The following CNOT4 variants were observed in gnomAD, a reference collection of about 807,000 sequenced individuals.
CNOT4 encodes the protein CCR4-associated factor 4.
In CNOT4, 8 loss-of-function variants were observed where a neutral mutation model predicts 73.8. The observed-to-expected ratio is 0.11, with a 90% CI of 0.06 to 0.20. CNOT4 has a LOEUF of 0.20. CNOT4 is among the 10% of genes least tolerant of loss of function. The pLI, the probability that CNOT4 is intolerant of heterozygous loss-of-function variation, is 1.00. For missense variants in CNOT4, 564 were observed against 883.4 expected, an observed-to-expected ratio of 0.64 and a Z score of 4.58; for synonymous variants, 293 against 321.1, an observed-to-expected ratio of 0.91 and a Z score of 0.94.
chr7:135,455,302 A>C (rs1172682495), intron 1 of CNOT4, among the ~76,000 whole-genome samples: 2 of 152,014 alleles, frequency 1.3e-5, no homozygotes, highest in African/African-American at 4.8e-5. Context: ...ATGTGGCGAA[A>C]AAAAAAGCTT....
At chr7:135,388,916 T>A in intron 10 of CNOT4, 1 of 1,611,222 alleles carries the variant, frequency 6.2e-7, no homozygotes, top group South Asian at 1.1e-5. Context: ...TCAGTCATGG[T>A]CTAGTTATGG....
chr7:135,479,753 C>T (rs114633900), intron 1 of CNOT4, among the ~76,000 whole-genome samples: 3,032 of 151,602 alleles, frequency 0.02, 107 homozygotes, highest in African/African-American at 0.07. Context: ...AAAAATTAGT[C>T]GGGCGTGGTA....
chr7:135,366,963 T>C (rs1191336761), intron 10 of CNOT4, among the ~76,000 whole-genome samples: 2 of 152,124 alleles, frequency 1.3e-5, no homozygotes, highest in African/African-American at 2.4e-5. Flanking sequence ...GGCAATTCCA[T>C]TCTTTGAAAC....
chr7:135,374,613 G>A (rs1795415322), intron 10 of CNOT4, among the ~76,000 whole-genome samples: 1 of 141,926 alleles, frequency 7.0e-6, no homozygotes, highest in Admixed American at 7.4e-5. Context: ...CAGAATAGTG[G>A]AAACTACAAC....
At chr7:135,414,475 T>C (rs1309471446) in intron 4 of CNOT4, 43 bp from the exon 5 acceptor site, 1 of 847,838 alleles carries the variant, frequency 1.2e-6, no homozygotes, top group Admixed American at 2.0e-5. Flanking sequence ...AGTTAAAAAT[T>C]AAACAATACT....
intron 10 of CNOT4, among the ~76,000 whole-genome samples, chr7:135,365,259 G>A (rs767484017): frequency 8.5e-5 from 13 of 152,118 alleles, no homozygotes; most frequent in African/African-American, 1.7e-4. Context: ...TAAACTGAAC[G>A]AAGGTCATCT....
intron 10 of CNOT4, among the ~76,000 whole-genome samples, chr7:135,392,978 G>T (rs1796479342): frequency 6.6e-6 from 1 of 152,114 alleles, no homozygotes; most frequent in African/African-American, 2.4e-5. Flanking sequence ...ACAATAAATT[G>T]TATGAATTAT....
At chr7:135,440,970 T>C (rs1441927450) in intron 1 of CNOT4, among the ~76,000 whole-genome samples, 1 of 151,730 alleles carries the variant, frequency 6.6e-6, no homozygotes, top group African/African-American at 2.4e-5. Context: ...TGTCCATTAA[T>C]AGGACAATCA....
At chr7:135,480,406 G>A (rs1260769515) in intron 1 of CNOT4, among the ~76,000 whole-genome samples, 4 of 152,054 alleles carry the variant, frequency 2.6e-5, no homozygotes, top group Non-Finnish European at 5.9e-5. Context: ...TACTAATATA[G>A]GAAATAAAGG....
intron 1 of CNOT4, among the ~76,000 whole-genome samples, chr7:135,450,444 GAGTA>G (rs1283069215): frequency 6.6e-6 from 1 of 152,016 alleles, no homozygotes; most frequent in African/African-American, 2.4e-5. Flanking sequence ...TCAGCCTCCT[GAGTA>G]GCTGATATTC....
Position 135,451,064 on chromosome 7 carries a change from C to A in CNOT4, c.-92-12641G>T, listed in dbSNP as rs1800129423. ...CCTCTATGATCTACTAACCCCACCT[C>A]TGCATAACAGCCTTAGAGAAACAGT... is the stretch of plus-strand genomic sequence containing the variant. On this transcript the variant is annotated intron_variant, in intron 1 of 11. Coordinates refer to ENST00000541284, the MANE Select transcript of CNOT4 (RefSeq NM_001190850.2). 2.0e-5 allele frequency among the ~76,000 whole-genome samples: 3 copies of A among 152,174 alleles called. No individual in the cohort carries two copies. In the South Asian group the frequency reaches 6.2e-4, roughly 32 times the overall value.
chr7:135,423,944 T>A (rs1798334751), intron 2 of CNOT4, among the ~76,000 whole-genome samples: 1 of 151,882 alleles, frequency 6.6e-6, no homozygotes, highest in South Asian at 2.1e-4. Context: ...AGAAGCTCAA[T>A]AAATATTTGC....
rs1436651583 is a variant in CNOT4 at position 135,428,393 on chromosome 7, G to T, written c.175-6040C>A. ...ACAATAAGCAGAAATATAGCCCACA[G>T]ACTTCAGCCACTGGAATTACTGGAC... On this transcript the variant is annotated intron_variant, in intron 2 of 11. Transcript: ENST00000541284. Among the ~76,000 whole-genome samples the T allele has an allele frequency of 3.3e-5, 5 of 152,200 alleles. No individual in the cohort carries two copies. In the East Asian group the frequency reaches 7.7e-4, roughly 24 times the overall value.
At chr7:135,506,399 A>C (rs1230904769) in intron 1 of CNOT4, among the ~76,000 whole-genome samples, 1 of 152,220 alleles carries the variant, frequency 6.6e-6, no homozygotes, top group South Asian at 2.1e-4. Context: ...AAGAGTCAAG[A>C]CAGTATTATA....
In CNOT4 at chr7:135,394,222, T is replaced by G. The variant is rs1796557801; in HGVS notation, c.1323A>C (p.Ser441=). The G allele has an allele frequency of 6.2e-7, 1 of 1,614,012 alleles. No homozygotes were observed. The highest frequency in any genetic ancestry group is 8.5e-7 in the Non-Finnish European group (1 of 1,180,028). The part of the protein sequence containing the change: ...LSPTSLQNSS[S]HTTTAKGPGS... Reference sequence around the variant, plus strand: ...CTGGACCTTTGGCGGTTGTAGTGTGTGAAGAGGAGTTCTGAAGAGATGTGG... The same window carrying G: ...CTGGACCTTTGGCGGTTGTAGTGTGGGAAGAGGAGTTCTGAAGAGATGTGG... The change falls in exon 10 of 12, where the codon TCA becomes TCC. Residue 441 remains serine, a synonymous_variant. Transcript: ENST00000541284.
chr7:135,443,431 T>A (rs1043636391), intron 1 of CNOT4, among the ~76,000 whole-genome samples: 3 of 151,838 alleles, frequency 2.0e-5, no homozygotes, highest in Non-Finnish European at 4.4e-5. Context: ...ATATCCTTTA[T>A]AAAATATGAA....
chr7:135,395,379 AAT>A (rs1796621949), intron 9 of CNOT4, among the ~76,000 whole-genome samples: 1 of 152,114 alleles, frequency 6.6e-6, no homozygotes, highest in South Asian at 2.1e-4. Context: ...AAAAATTCCC[AAT>A]GGAATAAGCT....
intron 1 of CNOT4, among the ~76,000 whole-genome samples, chr7:135,479,948 A>T (rs1802260072): frequency 6.6e-6 from 1 of 151,868 alleles, no homozygotes; most frequent in Non-Finnish European, 1.5e-5. Flanking sequence ...AATGAGAAAA[A>T]TTCCTTTAAA....
At chr7:135,506,473 C>G (rs959959470) in intron 1 of CNOT4, among the ~76,000 whole-genome samples, 8 of 152,302 alleles carry the variant, frequency 5.3e-5, no homozygotes, top group Admixed American at 5.2e-4. Context: ...CAAATTAAAA[C>G]CATTTTACTT....
Sources: allele counts gnomAD v4.1 joint callset (sites outside exome capture counted in the v4.1 genomes callset), GRCh38; gene constraint gnomAD v4.1.1; transcripts MANE v1.5; gene names NCBI Gene and HGNC (gene_info 2026-07-23, HGNC 2026-07-21).